GLCE: variants seen among roughly 807,000 people sequenced by gnomAD.
The protein encoded by GLCE is D-glucuronyl C5-epimerase.
Under a neutral mutation model 47.9 loss-of-function variants are expected in GLCE, and 19 were observed. The observed-to-expected ratio is 0.40, with a 90% CI of 0.28 to 0.58. GLCE has a LOEUF of 0.58. Among genes scored for constraint, GLCE ranks in the 20% least tolerant of loss-of-function variants. GLCE has a pLI of 0.48. For missense variants in GLCE, 556 were observed against 743.3 expected, an observed-to-expected ratio of 0.75 and a Z score of 2.93; for synonymous variants, 245 against 263.4, an observed-to-expected ratio of 0.93 and a Z score of 0.68.
chr15:69,166,908 CAAAAA>C (rs34522584), intron 1 of GLCE, among the ~76,000 whole-genome samples: 18 of 42,448 alleles, frequency 4.2e-4, no homozygotes, highest in Admixed American at 1.1e-3. Context: ...GACTCTGTCT[CAAAAA>C]AAAAAAAAAA....
chr15:69,261,416 A>C (rs1595790114), intron 4 of GLCE, 87 bp downstream of exon 4: 1 of 1,294,894 alleles, frequency 7.7e-7, no homozygotes, highest in East Asian at 2.3e-5. Flanking sequence ...TGGTTTAAAA[A>C]AACACATAAG....
intron 2 of GLCE, among the ~76,000 whole-genome samples, chr15:69,246,991 A>G (rs1204476762): frequency 6.6e-6 from 1 of 152,148 alleles, no homozygotes; most frequent in Non-Finnish European, 1.5e-5. Flanking sequence ...CCATTTATAG[A>G]GTGCAGGAAG....
intron 2 of GLCE, among the ~76,000 whole-genome samples, chr15:69,220,029 A>G (rs758632638): frequency 2.0e-5 from 3 of 152,160 alleles, no homozygotes; most frequent in African/African-American, 4.8e-5. Context: ...AGGTTCATCT[A>G]TGTTGTAACA....
intron 2 of GLCE, among the ~76,000 whole-genome samples, chr15:69,236,467 G>A (rs1204833601): frequency 6.6e-6 from 1 of 152,128 alleles, no homozygotes; most frequent in African/African-American, 2.4e-5. Context: ...AGTAGTAGTA[G>A]GAAATAAATG....
intron 2 of GLCE, among the ~76,000 whole-genome samples, chr15:69,222,737 C>T (rs538234970): frequency 1.4e-3 from 219 of 152,324 alleles, no homozygotes; most frequent in African/African-American, 4.3e-3. Context: ...CTGGCTATGA[C>T]TAGTCAGCCA....
chr15:69,263,154 T>C (rs1366836718), intron 4 of GLCE, among the ~76,000 whole-genome samples: 1 of 152,206 alleles, frequency 6.6e-6, no homozygotes, highest in African/African-American at 2.4e-5. Context: ...CTAAGGATGC[T>C]GCCTCTCCAG....
Position 69,258,028 on chromosome 15 carries a change from A to G in GLCE, c.586+1636A>G, listed in dbSNP as rs555450646. Among the ~76,000 whole-genome samples, 7 of 151,964 alleles carry G rather than the reference A, an allele frequency of 4.6e-5. No individual in the cohort carries two copies. In the South Asian group the frequency reaches 1.5e-3, roughly 32 times the overall value. On this transcript the variant is annotated intron_variant, in intron 3 of 4. Transcript: ENST00000261858. Reference sequence around the variant, plus strand: ...TTTTAATTTTTAAGTTCAGGGGTACATGTGCAGTTTTGTTATATAGGTAAC... The same window carrying G: ...TTTTAATTTTTAAGTTCAGGGGTACGTGTGCAGTTTTGTTATATAGGTAAC...
At chr15:69,258,306 A>G (rs1275332005) in intron 3 of GLCE, among the ~76,000 whole-genome samples, 1 of 131,410 alleles carries the variant, frequency 7.6e-6, no homozygotes, top group Non-Finnish European at 1.7e-5. Context: ...CTCCATCCAT[A>G]TTTCTACAAA....
At chr15:69,256,425 A>G (rs1595786827) in intron 3 of GLCE, 33 bp downstream of exon 3, 3 of 1,398,686 alleles carry the variant, frequency 2.1e-6, no homozygotes, top group Non-Finnish European at 3.0e-6. Flanking sequence ...TGCATTTTTC[A>G]AGCATGATTG....
chr15:69,175,331 C>T (rs1315222151), intron 1 of GLCE, among the ~76,000 whole-genome samples: 1 of 152,036 alleles, frequency 6.6e-6, no homozygotes, highest in Non-Finnish European at 1.5e-5. Flanking sequence ...AATGCATATG[C>T]CAATGTCTTT....
intron 2 of GLCE, among the ~76,000 whole-genome samples, chr15:69,254,136 C>T (rs997595075): frequency 9.9e-5 from 15 of 152,050 alleles, no homozygotes; most frequent in African/African-American, 2.7e-4. Flanking sequence ...GGATTAAAAA[C>T]GATAAAATTA....
At chr15:69,225,720 T>C (rs1232298046) in intron 2 of GLCE, among the ~76,000 whole-genome samples, 1 of 152,194 alleles carries the variant, frequency 6.6e-6, no homozygotes, top group Non-Finnish European at 1.5e-5. Flanking sequence ...TACTGAGTAC[T>C]CTCTCTGTGC....
chr15:69,267,995 G>T (rs1324085041), intron 4 of GLCE, among the ~76,000 whole-genome samples: 1 of 152,140 alleles, frequency 6.6e-6, no homozygotes, highest in African/African-American at 2.4e-5. Flanking sequence ...AGGGCAAAAG[G>T]TAAGAGCTTT....
chr15:69,264,065 A>G (rs1276767583), intron 4 of GLCE, among the ~76,000 whole-genome samples: 2 of 152,148 alleles, frequency 1.3e-5, no homozygotes, highest in African/African-American at 4.8e-5. Context: ...CATACAATAC[A>G]GTATTATAAG....
At chr15:69,234,041 G>C (rs1350240997) in intron 2 of GLCE, among the ~76,000 whole-genome samples, 1 of 151,254 alleles carries the variant, frequency 6.6e-6, no homozygotes, top group Non-Finnish European at 1.5e-5. Context: ...GCAATGGCGT[G>C]ATCTGAGCTC....
intron 1 of GLCE, among the ~76,000 whole-genome samples, chr15:69,175,067 G>A (rs1189576396): frequency 6.6e-6 from 1 of 152,000 alleles, no homozygotes; most frequent in East Asian, 1.9e-4. Context: ...TACAGACTCG[G>A]TGGTTGAATT....
chr15:69,161,043 TG>T (rs1477791877), intron 1 of GLCE, among the ~76,000 whole-genome samples: 2 of 149,324 alleles, frequency 1.3e-5, no homozygotes, highest in Non-Finnish European at 1.5e-5. Context: ...TAGGGGTGGG[TG>T]GCGGCACACG....
chr15:69,269,386 C>A lies in GLCE; in HGVS notation c.*142C>A. ...CAAAGTGATAAGTGATCCTTAAAACCAGCCTTCTAAAATAATTGCATTCCA... is the reference window on the plus strand; with the variant it reads ...CAAAGTGATAAGTGATCCTTAAAACAAGCCTTCTAAAATAATTGCATTCCA... On this transcript the variant is annotated 3_prime_UTR_variant, in exon 5 of 5. Coordinates refer to ENST00000261858, the MANE Select transcript of GLCE (RefSeq NM_015554.3). 3 of 667,988 alleles carry A rather than the reference C, an allele frequency of 4.5e-6. No individual in the cohort carries two copies. Among genetic ancestry groups the A allele is most frequent in the Non-Finnish European group, 7.6e-6 (3 of 393,920 alleles). 41.4% of individuals were successfully genotyped at this position (667,988 alleles called of 1,614,324 possible).
At chr15:69,199,987 A>G (rs1304545589) in intron 1 of GLCE, among the ~76,000 whole-genome samples, 1 of 152,154 alleles carries the variant, frequency 6.6e-6, no homozygotes, top group African/African-American at 2.4e-5. Context: ...GTTTTATCAG[A>G]GTAGTAAGAC....
Sources: gnomAD v4.1 joint callset for allele counts (sites outside exome capture counted in the v4.1 genomes callset) on GRCh38, gnomAD v4.1.1 for gene constraint, MANE v1.5 for transcripts, NCBI Gene and HGNC (gene_info 2026-07-23, HGNC 2026-07-21) for gene names.